The following CRLS1 variants were observed in gnomAD, a reference collection of about 807,000 sequenced individuals.
The protein encoded by CRLS1 is cardiolipin synthase 1.
Under a neutral mutation model 37.0 loss-of-function variants are expected in CRLS1, and 24 were observed. The observed-to-expected ratio is 0.65, with a 90% CI of 0.47 to 0.91. CRLS1 has a LOEUF of 0.91. Ranked by LOEUF, CRLS1 falls within the 40% of genes least tolerant of loss-of-function variation. CRLS1 has a pLI of 0.00. For missense variants in CRLS1, 373 were observed against 395.8 expected (o/e 0.94, Z 0.49); for synonymous variants, 135 against 159.7 (o/e 0.85, Z 1.17).
chr20:6,017,456 C>G (rs75548152), intron 3 of CRLS1, among the ~76,000 whole-genome samples: 3,969 of 152,300 alleles, frequency 0.026, 167 homozygotes, highest in African/African-American at 0.09. Flanking sequence ...GTTATCCTAG[C>G]ACTTTTTATA....
In CRLS1 at chr20:6,034,556, G is replaced by T; in HGVS notation, c.821+1G>T. 1 of 1,600,070 alleles carries T rather than the reference G, an allele frequency of 6.2e-7. No individual in the cohort carries two copies. ...ACAGCATTTATCTTCAGATACTATG[G>T]TAAGCTAAATTTAGAATCACTCTCT... On this transcript the variant is annotated splice_donor_variant, in intron 6 of 6. Transcript: ENST00000378863. LOFTEE classifies it high-confidence loss of function.
At position 6,006,533 on chromosome 20, in the gene CRLS1, C is replaced by T; in HGVS notation, c.287C>T (p.Pro96Leu). 7.6e-7 allele frequency: 1 copy of T among 1,322,992 alleles called. No homozygotes were observed. Among genetic ancestry groups the T allele is most frequent in the Non-Finnish European group, 9.6e-7 (1 of 1,045,380 alleles). The allele number at this position is 1,322,992 out of a possible 1,614,324, so 82.0% of individuals were successfully genotyped here. A position where few individuals can be genotyped will look rare whatever the true frequency, so the allele number is the denominator to read the frequency against. The change falls in exon 1 of 7, where the codon CCG becomes CTG. Residue 96 changes from proline (P) to leucine (L), a missense_variant. Coordinates refer to ENST00000378863, the MANE Select transcript of CRLS1 (RefSeq NM_019095.6). ...AAEAPGGQWG[P>L]ASTPSLYENP... is the part of the protein sequence containing the mutation. Reference sequence around the variant, plus strand: ...GAAGCCCCGGGCGGCCAGTGGGGCCCGGCGAGCACCCCCAGCCTGGTACGT... The same window carrying T: ...GAAGCCCCGGGCGGCCAGTGGGGCCTGGCGAGCACCCCCAGCCTGGTACGT...
rs1293075291 is a variant in CRLS1, at chr20:6,009,821, T to C, written c.353T>C (p.Ile118Thr). 2 of 1,614,000 alleles carry C rather than the reference T, an allele frequency of 1.2e-6. No homozygotes were observed. Among genetic ancestry groups the C allele is most frequent in the Admixed American group, 1.7e-5 (1 of 60,012 alleles). The change falls in exon 2 of 7, where the codon ATT becomes ACT. Residue 118 changes from isoleucine to threonine, a missense_variant. Ile to Thr is a moderately conservative substitution (Grantham distance 89). Coordinates refer to ENST00000378863, the MANE Select transcript of CRLS1 (RefSeq NM_019095.6). Reference sequence around the variant, plus strand: ...CCGAATATGTTGTCAATGACGAGAATTGGCTTGGCCCCAGTTCTGGGCTAT... The same window carrying C: ...CCGAATATGTTGTCAATGACGAGAACTGGCTTGGCCCCAGTTCTGGGCTAT... ...TIPNMLSMTR[I>T]GLAPVLGYLI... is the part of the protein sequence containing the mutation.
chr20:6,012,240 C>G (rs933096234), intron 2 of CRLS1, among the ~76,000 whole-genome samples: 1 of 152,062 alleles, frequency 6.6e-6, no homozygotes, highest in Non-Finnish European at 1.5e-5. Context: ...AGCCAGGGAA[C>G]GACAAAGTCT....
intron 3 of CRLS1, among the ~76,000 whole-genome samples, chr20:6,018,146 G>A (rs976193011): frequency 4.8e-5 from 7 of 147,334 alleles, no homozygotes; most frequent in Middle Eastern, 3.6e-3. Context: ...AACCTGGGAG[G>A]CAGAGGTTGC....
chr20:6,020,199 C>G lies in CRLS1; in HGVS notation c.574+4709C>G, dbSNP rs528901499. ...CTAGTGTGTGTTTTGAGCAGTGCAG[C>G]TATAAGTGGATACCTAACTTGTTTT... On this transcript the variant is annotated intron_variant, in intron 3 of 6. Coordinates refer to ENST00000378863, the MANE Select transcript of CRLS1 (RefSeq NM_019095.6). Among the ~76,000 whole-genome samples the G allele has an allele frequency of 9.2e-5, 14 of 152,226 alleles. No individual in the cohort carries two copies. In the South Asian group the frequency reaches 2.9e-3, roughly 32 times the overall value.
chr20:6,018,667 G>A (rs1978963035), intron 3 of CRLS1, among the ~76,000 whole-genome samples: 1 of 152,086 alleles, frequency 6.6e-6, no homozygotes, highest in African/African-American at 2.4e-5. Context: ...GTAGAGATGC[G>A]GTTTTGCTAT....
chr20:6,015,247 T>G, intron 2 of CRLS1, 114 bp from the exon 3 acceptor site: 1 of 578,736 alleles, frequency 1.7e-6, no homozygotes. Flanking sequence ...AGAAGACATT[T>G]TGTTAACATT....
chr20:6,020,510 C>T (rs977468242), intron 3 of CRLS1, among the ~76,000 whole-genome samples: 23 of 152,256 alleles, frequency 1.5e-4, no homozygotes, highest in Non-Finnish European at 2.4e-4. Flanking sequence ...CAGCCCACTA[C>T]TGTCAGATTT....
intron 2 of CRLS1, among the ~76,000 whole-genome samples, chr20:6,010,966 A>G (rs2090124187): frequency 1.3e-5 from 2 of 151,984 alleles, no homozygotes; most frequent in African/African-American, 4.8e-5. Context: ...GCAGTGAGCT[A>G]TGATCGCACC....
rs190513862 is a variant in CRLS1 at position 6,008,895 on chromosome 20, A to C, written c.307-880A>C. Among the ~76,000 whole-genome samples the C allele has an allele frequency of 3.0e-3, 464 of 152,308 alleles. 2 individuals carry two copies. The highest frequency in any genetic ancestry group is 9.9e-3 in the African/African-American group (410 of 41,568). On this transcript the variant is annotated intron_variant, in intron 1 of 6. Coordinates refer to ENST00000378863, the MANE Select transcript of CRLS1 (RefSeq NM_019095.6). ...ACTTGTAAGTAGACACTGTTTGTCTATTTACAAGATCTTCCTGAAGTTTCA... is the reference window on the plus strand; with the variant it reads ...ACTTGTAAGTAGACACTGTTTGTCTCTTTACAAGATCTTCCTGAAGTTTCA...
chr20:6,028,717 T>C (rs1158546569), intron 3 of CRLS1: 1 of 152,212 alleles, frequency 6.6e-6, no homozygotes, highest in Non-Finnish European at 1.5e-5. Flanking sequence ...ACAGAAAATA[T>C]TTAAATTAGT....
At chr20:6,020,574 G>C (rs1413690659) in intron 3 of CRLS1, among the ~76,000 whole-genome samples, 1 of 151,432 alleles carries the variant, frequency 6.6e-6, no homozygotes, top group Non-Finnish European at 1.5e-5. Context: ...ATATTCTGCA[G>C]TTCTTGGGTA....
chr20:6,013,091 A>G (rs529418796), intron 2 of CRLS1, among the ~76,000 whole-genome samples: 4 of 152,296 alleles, frequency 2.6e-5, no homozygotes, highest in Admixed American at 2.6e-4. Context: ...AAATAGGATC[A>G]CAGAAGGGTC....
In CRLS1 at chr20:6,015,349, T is replaced by C. The variant is rs1333549303; in HGVS notation, c.445-12T>C. The C allele has an allele frequency of 6.5e-7, 1 of 1,540,410 alleles. No homozygotes were observed. Among genetic ancestry groups the C allele is most frequent in the Admixed American group, 2.0e-5 (1 of 49,670 alleles). ...GACATTTATATATATAAAAAAAAAC[T>C]TCTATTTTCAGTTGGATGGATTTAT... is the stretch of plus-strand genomic sequence containing the variant. On this transcript the variant is annotated splice_polypyrimidine_tract_variant and intron_variant, in intron 2 of 6. Transcript: ENST00000378863.
rs556383314 is a variant in CRLS1, at chr20:6,006,745, G to T, written c.306+193G>T. The T allele has an allele frequency of 9.1e-6, 9 of 985,408 alleles. No homozygotes were observed. In the South Asian group the frequency reaches 3.3e-4, roughly 36 times the overall value. 61.0% of individuals were successfully genotyped at this position (985,408 alleles called of 1,614,324 possible). A position where few individuals can be genotyped will look rare whatever the true frequency, so the allele number is the denominator to read the frequency against. On this transcript the variant is annotated intron_variant, in intron 1 of 6. Transcript: ENST00000378863. ...GGGTCACCAGCGGGGTCCACCTACG[G>T]TCTCTGTGGTCAAGTTAGAAATCCT... is the stretch of plus-strand genomic sequence containing the variant.
intron 3 of CRLS1, among the ~76,000 whole-genome samples, chr20:6,029,234 GA>G (rs2123009965): frequency 6.6e-6 from 1 of 152,192 alleles, no homozygotes; most frequent in East Asian, 1.9e-4. Context: ...TGTTGGGTTG[GA>G]ACCTAATGCG....
chr20:6,035,045 A>G (rs189858115), intron 6 of CRLS1, among the ~76,000 whole-genome samples: 1 of 152,352 alleles, frequency 6.6e-6, no homozygotes, highest in Non-Finnish European at 1.5e-5. Flanking sequence ...TATCATCTTA[A>G]AAGTGTGTCA....
intron 3 of CRLS1, chr20:6,028,321 A>G (rs934936753): frequency 2.6e-5 from 4 of 152,188 alleles, no homozygotes; most frequent in Non-Finnish European, 5.9e-5. Flanking sequence ...AGAGAGTGGA[A>G]GGCAAATCCA....
Sources: gnomAD v4.1 joint callset for allele counts (sites outside exome capture counted in the v4.1 genomes callset) on GRCh38, gnomAD v4.1.1 for gene constraint, MANE v1.5 for transcripts, NCBI Gene and HGNC (gene_info 2026-07-23, HGNC 2026-07-21) for gene names.